ZSWIM8: variants seen among roughly 807,000 people sequenced by gnomAD.
ZSWIM8 encodes zinc finger SWIM-type containing 8, also known as zinc finger SWIM domain-containing protein 8.
ZSWIM8 carries 27 observed loss-of-function variants against 173.7 expected under a neutral mutation model. The ratio of observed to expected loss-of-function variants is 0.16; its 90% confidence interval spans 0.11 to 0.21. The LOEUF (loss-of-function observed/expected upper bound fraction) is 0.21. Ranked by LOEUF, ZSWIM8 falls within the 10% of genes least tolerant of loss-of-function variation. ZSWIM8 has a pLI of 1.00. For missense variants in ZSWIM8, 1,627 were observed against 2,428.8 expected (o/e 0.67, Z 6.94); for synonymous variants, 958 against 962.0 (o/e 1.00, Z 0.08).
At chr10:73,796,458 C>A in intron 15 of ZSWIM8, 1 of 434,122 alleles carries the variant, frequency 2.3e-6, no homozygotes, top group South Asian at 2.1e-5. Context: ...ACCAATGGTT[C>A]TTATAGGAGT....
Position 73,801,677 on chromosome 10 carries a change from T to A in ZSWIM8, c.*158T>A. On this transcript the variant is annotated 3_prime_UTR_variant, in exon 26 of 26. Coordinates refer to ENST00000604729, the MANE Select transcript of ZSWIM8 (RefSeq NM_001367799.1). The surrounding 1 kb of genome is among the most constrained non-coding windows in gnomAD (Gnocchi z 4.9). ...CTTGGGCTATAGCTTGGGGCCAAGA[T>A]GTCTCACACCCTAGAAGCCTAGGGC... 1 of 1,534,610 alleles carries A rather than the reference T, an allele frequency of 6.5e-7. No homozygotes were observed. Among genetic ancestry groups the A allele is most frequent in the African/African-American group, 1.4e-5 (1 of 73,136 alleles).
At position 73,791,524 on chromosome 10, in the gene ZSWIM8, C is replaced by T; in HGVS notation, c.1319+25C>T. Reference sequence around the variant, plus strand: ...GGTGAGTCTCCCCTGAGGCTCACCACAGAACTGAGCCTGGGCCAGCTCAGG... The same window carrying T: ...GGTGAGTCTCCCCTGAGGCTCACCATAGAACTGAGCCTGGGCCAGCTCAGG... On this transcript the variant is annotated intron_variant, in intron 9 of 25. Coordinates refer to ENST00000604729, the MANE Select transcript of ZSWIM8 (RefSeq NM_001367799.1). This position sits in a 1 kb window ranked among gnomAD's most constrained non-coding sequence, Gnocchi z 6.0. 1 of 1,565,870 alleles carries T rather than the reference C, an allele frequency of 6.4e-7. No homozygotes were observed. The highest frequency in any genetic ancestry group is 1.2e-5 in the South Asian group (1 of 86,512).
intron 1 of ZSWIM8, among the ~76,000 whole-genome samples, chr10:73,788,016 C>T (rs923889927): frequency 6.6e-6 from 1 of 151,996 alleles, no homozygotes. Context: ...CTGTGGAAAA[C>T]CTTGAGTGGT....
In ZSWIM8 at chr10:73,786,036, C is replaced by A; in HGVS notation, c.158C>A (p.Ser53Tyr). The A allele has an allele frequency of 6.2e-7, 1 of 1,600,850 alleles. No individual in the cohort carries two copies. The highest frequency in any genetic ancestry group is 2.3e-5 in the East Asian group (1 of 43,708). The change falls in exon 1 of 26, where the codon TCC becomes TAC. Residue 53 changes from serine to tyrosine, a missense_variant. Ser to Tyr is a moderately radical substitution (Grantham distance 144, BLOSUM62 -2). Transcript: ENST00000604729. The part of the protein sequence containing the change: ...GWRKQSAGPN[S>Y]PTGGGGGGGS... ...CGCAAACAGTCAGCGGGGCCCAATT[C>A]CCCCACTGGCGGCGGTGGCGGAGGT...
In ZSWIM8 at chr10:73,791,097, G is replaced by A. The variant is rs1230331769; in HGVS notation, c.1064G>A (p.Arg355Gln). Residue 355 changes from arginine to glutamine, a missense_variant, in exon 8 of 26, where the codon CGG becomes CAG. By Grantham distance (43) the Arg-to-Gln change is conservative. This residue lies in a region of ZSWIM8 where 38 missense variants were observed against 106.1 expected (regional missense o/e 0.36). Transcript: ENST00000604729. This position sits in a 1 kb window ranked among gnomAD's most constrained non-coding sequence, Gnocchi z 6.0. ...EGVWNLLSIVREMFKRRDSNA... is the reference protein window; with the variant it reads ...EGVWNLLSIVQEMFKRRDSNA... ...GTCTGGAACCTGCTAAGCATTGTGC[G>A]GGAGATGTTCAAGCGGAGGGACAGC... is the stretch of plus-strand genomic sequence containing the variant. 2 of 1,613,872 alleles carry A rather than the reference G, an allele frequency of 1.2e-6. No homozygotes were observed. The highest frequency in any genetic ancestry group is 1.7e-6 in the Non-Finnish European group (2 of 1,179,820).
intron 1 of ZSWIM8, 111 bp downstream of exon 1, chr10:73,786,197 A>G (rs2132633318): frequency 1.6e-6 from 2 of 1,225,274 alleles, no homozygotes; most frequent in Non-Finnish European, 2.2e-6. Flanking sequence ...AACCAGGGGA[A>G]GAAAGGGGAG....
Position 73,797,205 on chromosome 10 carries a change from G to A in ZSWIM8, c.3367G>A (p.Gly1123Ser), listed in dbSNP as rs1255166148. 1 of 1,614,022 alleles carries A rather than the reference G, an allele frequency of 6.2e-7. No homozygotes were observed. Among genetic ancestry groups the A allele is most frequent in the South Asian group, 1.1e-5 (1 of 91,084 alleles). Residue 1123 changes from glycine (G) to serine (S), a missense_variant, in exon 17 of 26, where the codon GGC (glycine) becomes AGC (serine). Transcript: ENST00000604729. The surrounding 1 kb of genome is among the most constrained non-coding windows in gnomAD (Gnocchi z 5.6). ...EGKVPSRLALGSRGGYNGRGW... is the reference protein window; with the variant it reads ...EGKVPSRLALSSRGGYNGRGW... Reference sequence around the variant, plus strand: ...GAAGGTTCCTAGCCGCTTGGCACTTGGCAGTCGTGGAGGCTATAATGGACG... The same window carrying A: ...GAAGGTTCCTAGCCGCTTGGCACTTAGCAGTCGTGGAGGCTATAATGGACG...
chr10:73,788,841 A>C lies in ZSWIM8; in HGVS notation c.362+18A>C. Reference sequence around the variant, plus strand: ...GACATTCGGTGAGGCCAAAGGACTGATGGTGGGGAGCGGGGTCCTGATACT... The same window carrying C: ...GACATTCGGTGAGGCCAAAGGACTGCTGGTGGGGAGCGGGGTCCTGATACT... On this transcript the variant is annotated intron_variant, in intron 2 of 25. Transcript: ENST00000604729. 1 of 1,612,704 alleles carries C rather than the reference A, an allele frequency of 6.2e-7. No homozygotes were observed. Among genetic ancestry groups the C allele is most frequent in the Non-Finnish European group, 8.5e-7 (1 of 1,179,632 alleles).
rs2083809259 is a variant in ZSWIM8 at position 73,799,300 on chromosome 10, T to A, written c.4475T>A (p.Val1492Glu). Residue 1492 changes from valine (V) to glutamate (E), a missense_variant, in exon 21 of 26, where the codon GTG becomes GAG. Physicochemically the swap from Val to Glu is moderately radical, Grantham distance 121. Coordinates refer to ENST00000604729, the MANE Select transcript of ZSWIM8 (RefSeq NM_001367799.1). ...AAATVVPVIS[V>E]GSSLYPGPGL... is the part of the protein sequence containing the mutation. ...GCCACAGTGGTGCCCGTCATATCGGTGGGGTCTAGTTTATACCCGGGTCCA... is the reference window on the plus strand; with the variant it reads ...GCCACAGTGGTGCCCGTCATATCGGAGGGGTCTAGTTTATACCCGGGTCCA... 1 of 1,605,032 alleles carries A rather than the reference T, an allele frequency of 6.2e-7. No homozygotes were observed. Among genetic ancestry groups the A allele is most frequent in the Non-Finnish European group, 8.5e-7 (1 of 1,176,026 alleles).
Position 73,791,251 on chromosome 10 carries a change from A to G in ZSWIM8, c.1144-73A>G, listed in dbSNP as rs951454980. On this transcript the variant is annotated intron_variant, in intron 8 of 25. Transcript: ENST00000604729. The surrounding 1 kb of genome is among the most constrained non-coding windows in gnomAD (Gnocchi z 6.0). ...CCCTGCCTCATCCTCCTCTTGCTGA[A>G]ATGGACTCTGGGAGGGCTACTCTGC... The G allele has an allele frequency of 6.4e-7, 1 of 1,571,260 alleles. No individual in the cohort carries two copies. The highest frequency in any genetic ancestry group is 1.2e-5 in the South Asian group (1 of 85,082).
chr10:73,800,792 C>T lies in ZSWIM8; in HGVS notation c.5122+33C>T, dbSNP rs760403639. On this transcript the variant is annotated intron_variant, in intron 24 of 25. Coordinates refer to ENST00000604729, the MANE Select transcript of ZSWIM8 (RefSeq NM_001367799.1). The surrounding 1 kb of genome is among the most constrained non-coding windows in gnomAD (Gnocchi z 4.1). ...CTCCCCTCCCTAGGACCATTGCCCC[C>T]CCCCCACCTGCTCTCCCCACCTTCC... 1 of 1,488,728 alleles carries T rather than the reference C, an allele frequency of 6.7e-7. No individual in the cohort carries two copies. The highest frequency in any genetic ancestry group is 1.3e-5 in the South Asian group (1 of 77,696). The allele number at this position is 1,488,728 out of a possible 1,614,324, so 92.2% of individuals were successfully genotyped here. A position where few individuals can be genotyped will look rare whatever the true frequency, so the allele number is the denominator to read the frequency against.
rs747367995 is a variant in ZSWIM8, at chr10:73,800,451, C to T, written c.4981C>T (p.Leu1661=). Reference sequence around the variant, plus strand: ...AGTCAATCCCCACAGCCTGCACCACCTGCATGCTGCCTACCGTGTCGGTGA... The same window carrying T: ...AGTCAATCCCCACAGCCTGCACCACTTGCATGCTGCCTACCGTGTCGGTGA... The part of the protein sequence containing the change: ...QPVNPHSLHH[L]HAAYRVGMLA... The change falls in exon 23 of 26, where the codon CTG becomes TTG. Residue 1661 remains leucine (L), a synonymous_variant. Transcript: ENST00000604729. This position sits in a 1 kb window ranked among gnomAD's most constrained non-coding sequence, Gnocchi z 4.1. The T allele has an allele frequency of 3.7e-6, 6 of 1,613,832 alleles. No individual in the cohort carries two copies. The highest frequency in any genetic ancestry group is 1.7e-5 in the Admixed American group (1 of 60,000).
chr10:73,788,718 T>G lies in ZSWIM8; in HGVS notation c.257T>G (p.Phe86Cys). 6.2e-7 allele frequency: 1 copy of G among 1,614,018 alleles called. No homozygotes were observed. The highest frequency in any genetic ancestry group is 8.5e-7 in the Non-Finnish European group (1 of 1,179,888). The change falls in exon 2 of 26, where the codon TTT becomes TGT. Residue 86 changes from phenylalanine to cysteine, a missense_variant. By Grantham distance (205) the Phe-to-Cys change is radical (BLOSUM62 -2). Around this residue, in one of 18 missense-constraint regions of ZSWIM8, gnomAD observed 29 missense variants for 108.2 expected, o/e 0.27. Coordinates refer to ENST00000604729, the MANE Select transcript of ZSWIM8 (RefSeq NM_001367799.1). ...GAGCTGTCAGCAAAGCAGGTGGCAT[T>G]TCATATCCCATTTGAAGTGGTGGAG... ...LVELSAKQVA[F>C]HIPFEVVEKV...
chr10:73,799,055 T>C lies in ZSWIM8; in HGVS notation c.4230T>C (p.Gly1410=). Residue 1410 remains glycine (G), a synonymous_variant, in exon 21 of 26, where the codon GGT becomes GGC. Coordinates refer to ENST00000604729, the MANE Select transcript of ZSWIM8 (RefSeq NM_001367799.1). ...ACMAVEEAAK[G]GGVYPEVLFE... The stretch of plus-strand genomic sequence containing the variant: ...TGGCAGTGGAAGAGGCAGCTAAGGG[T>C]GGGGGCGTGTACCCTGAAGTGTTGT... 6.2e-7 allele frequency: 1 copy of C among 1,613,436 alleles called. No homozygotes were observed. Among genetic ancestry groups the C allele is most frequent in the Non-Finnish European group, 8.5e-7 (1 of 1,179,644 alleles).
In ZSWIM8 at chr10:73,789,619, A is replaced by C; in HGVS notation, c.630+80A>C. The C allele has an allele frequency of 1.3e-6, 2 of 1,555,366 alleles. No individual in the cohort carries two copies. The highest frequency in any genetic ancestry group is 4.7e-5 in the East Asian group (2 of 42,298). ...CTGCTGCATGCCTGGCTACAATGTG[A>C]GCCCCCTCGCCTCGCCTACTCTGCC... On this transcript the variant is annotated intron_variant, in intron 4 of 25. Coordinates refer to ENST00000604729, the MANE Select transcript of ZSWIM8 (RefSeq NM_001367799.1). This position sits in a 1 kb window ranked among gnomAD's most constrained non-coding sequence, Gnocchi z 6.8.
In ZSWIM8 at chr10:73,796,891, G is replaced by A. The variant is rs1565082861; in HGVS notation, c.3151G>A (p.Gly1051Ser). ...CCAGAGGTCTCCTTCAAAGCACGGG[G>A]GCCCATCTGCCCCAGGGGCCCTGCA... ...ASQRSPSKHG[G>S]PSAPGALQPL... Residue 1051 changes from glycine to serine, a missense_variant, in exon 16 of 26, where the codon GGC becomes AGC. Gly to Ser is a moderately conservative substitution (Grantham distance 56, BLOSUM62 0). Coordinates refer to ENST00000604729, the MANE Select transcript of ZSWIM8 (RefSeq NM_001367799.1). 6.2e-7 allele frequency: 1 copy of A among 1,614,028 alleles called. No homozygotes were observed. The highest frequency in any genetic ancestry group is 1.7e-5 in the Admixed American group (1 of 60,028).
At position 73,792,033 on chromosome 10, in the gene ZSWIM8, C is replaced by T. The variant is rs369326209; in HGVS notation, c.1494C>T (p.Ser498=). 3.0e-5 allele frequency: 46 copies of T among 1,548,222 alleles called. No homozygotes were observed. Among genetic ancestry groups the T allele is most frequent in the South Asian group, 3.6e-5 (3 of 84,000 alleles). Reference sequence around the variant, plus strand: ...ACCCACTTCCTGGTGTCACCTACAGCGGCACTGACAGGAAGCTGGCACTGT... The same window carrying T: ...ACCCACTTCCTGGTGTCACCTACAGTGGCACTGACAGGAAGCTGGCACTGT... ...EAYPLPGVTY[S]GTDRKLALCW... is the part of the protein sequence containing the mutation. The change falls in exon 10 of 26, where the codon AGC becomes AGT. Residue 498 remains serine, a synonymous_variant. Coordinates refer to ENST00000604729, the MANE Select transcript of ZSWIM8 (RefSeq NM_001367799.1). This position sits in a 1 kb window ranked among gnomAD's most constrained non-coding sequence, Gnocchi z 4.3.
intron 1 of ZSWIM8, among the ~76,000 whole-genome samples, chr10:73,788,253 AAAAG>A (rs1429276033): frequency 2.0e-5 from 3 of 152,122 alleles, no homozygotes; most frequent in Non-Finnish European, 2.9e-5. Context: ...AAAAAAAAAA[AAAAG>A]GCAATCGGAG....
At position 73,801,579 on chromosome 10, in the gene ZSWIM8, C is replaced by T; in HGVS notation, c.*60C>T. ...GGCCTGTGGCTATGGGGGCCCCTCA[C>T]ACAGGGGGAGTGAAACTTGGCTGGA... On this transcript the variant is annotated 3_prime_UTR_variant, in exon 26 of 26. Transcript: ENST00000604729. This position sits in a 1 kb window ranked among gnomAD's most constrained non-coding sequence, Gnocchi z 4.9. 2 of 1,585,136 alleles carry T rather than the reference C, an allele frequency of 1.3e-6. No homozygotes were observed. Among genetic ancestry groups the T allele is most frequent in the African/African-American group, 1.3e-5 (1 of 74,338 alleles).
Sources: gnomAD v4.1 joint callset for allele counts (sites outside exome capture counted in the v4.1 genomes callset) on GRCh38, gnomAD v4.1.1 for gene constraint, gnomAD v4.1.1 regional missense constraint, Gnocchi (gnomAD v3.1) non-coding constraint, MANE v1.5 for transcripts, NCBI Gene and HGNC (gene_info 2026-07-23, HGNC 2026-07-21) for gene names.